LARGE1: variants seen among roughly 807,000 people sequenced by gnomAD.
The protein encoded by LARGE1 is xylosyl- and glucuronyltransferase LARGE1.
LARGE1 carries 43 observed loss-of-function variants against 87.6 expected under a neutral mutation model. The observed-to-expected ratio is 0.49, with a 90% CI of 0.38 to 0.63. The LOEUF (loss-of-function observed/expected upper bound fraction) is 0.63. Ranked by LOEUF, LARGE1 falls within the 30% of genes least tolerant of loss-of-function variation. The pLI is 0.00. For synonymous variants in LARGE1, 434 were observed against 394.6 expected (o/e 1.10, Z -1.18); for missense variants, 802 against 1,000.2 (o/e 0.80, Z 2.67).
At chr22:33,121,729 A>G in the LARGE1 span, among the ~76,000 whole-genome samples, 1 of 152,196 alleles carries the variant, frequency 6.6e-6, no homozygotes, top group South Asian at 2.1e-4. Flanking sequence ...TGTGAGATAT[A>G]AAGACATACC....
rs112255223 is a variant in LARGE1, at chr22:33,372,920, A to T, written c.1131+8999T>A. On this transcript the variant is annotated intron_variant, in intron 9 of 14. Coordinates refer to ENST00000397394, the MANE Select transcript of LARGE1 (RefSeq NM_133642.5). ...GTAGGAGAGTAATATGAAGAAAGTT[A>T]TGGATATAAGGATGTATTTTTGGTA... Among the ~76,000 whole-genome samples, 660 of 152,342 alleles carry T rather than the reference A, an allele frequency of 4.3e-3. 3 individuals are homozygous for T. Among genetic ancestry groups the T allele is most frequent in the African/African-American group, 0.015 (622 of 41,574 alleles).
rs573119286 is a variant in LARGE1, at chr22:33,568,091, C to T, written c.616-3072G>A. On this transcript the variant is annotated intron_variant, in intron 5 of 14. Transcript: ENST00000397394. ...TTGAGGAGGGGAAGAGTACTTGGGG[C>T]CATTACCACCCCAAGGCCAAAAGGG... 7.2e-5 allele frequency among the ~76,000 whole-genome samples: 11 copies of T among 152,262 alleles called. No homozygotes were observed. The South Asian group carries it at 2.3e-3, about 32-fold the overall frequency.
intron 7 of LARGE1, among the ~76,000 whole-genome samples, chr22:33,416,579 G>A (rs1207358321): frequency 6.6e-6 from 1 of 151,968 alleles, no homozygotes; most frequent in Non-Finnish European, 1.5e-5. Context: ...GGCAATGGTG[G>A]TGCAAGTAGA....
chr22:33,812,715 A>C (rs1465521580), intron 1 of LARGE1, among the ~76,000 whole-genome samples: 2 of 152,228 alleles, frequency 1.3e-5, no homozygotes. Context: ...TCATTCCATA[A>C]GCACAGTCAA....
intron 1 of LARGE1, among the ~76,000 whole-genome samples, chr22:33,769,099 C>G (rs1267064475): frequency 6.6e-6 from 1 of 152,236 alleles, no homozygotes; most frequent in Non-Finnish European, 1.5e-5. Flanking sequence ...TTTGTTACAA[C>G]AGCTTTCTAA....
chr22:33,749,130 T>C (rs1233940637), intron 2 of LARGE1, among the ~76,000 whole-genome samples: 4 of 152,232 alleles, frequency 2.6e-5, no homozygotes, highest in Non-Finnish European at 5.9e-5. Flanking sequence ...CCTCTTTTTT[T>C]TGAGATGGAG....
At chr22:33,496,640 C>T (rs1049664327) in intron 6 of LARGE1, among the ~76,000 whole-genome samples, 4 of 152,190 alleles carry the variant, frequency 2.6e-5, no homozygotes, top group South Asian at 2.1e-4. Flanking sequence ...GAATGGACCA[C>T]GACAGGACTA....
intron 1 of LARGE1, among the ~76,000 whole-genome samples, chr22:33,885,194 G>A (rs1296457864): frequency 7.0e-6 from 1 of 142,436 alleles, no homozygotes; most frequent in African/African-American, 2.6e-5. Flanking sequence ...AAGGGTGTGT[G>A]TTCCACAGGC....
intron 1 of LARGE1, among the ~76,000 whole-genome samples, chr22:33,781,500 T>TA (rs997836309): frequency 8.6e-5 from 13 of 151,340 alleles, no homozygotes; most frequent in South Asian, 2.1e-4. Flanking sequence ...GACTCTGCCT[T>TA]AAAAAAAAAT....
intron 11 of LARGE1, among the ~76,000 whole-genome samples, chr22:33,200,513 C>T (rs953616639): frequency 7.2e-5 from 11 of 152,126 alleles, no homozygotes; most frequent in Non-Finnish European, 1.2e-4. Flanking sequence ...AGATCGAAAA[C>T]GTATGTCCAC....
intron 5 of LARGE1, among the ~76,000 whole-genome samples, chr22:33,586,559 G>A (rs529969302): frequency 1.1e-3 from 166 of 150,908 alleles, no homozygotes; most frequent in Non-Finnish European, 1.9e-3. Context: ...CTGGGTTCAC[G>A]CCATTCTCCT....
chr22:33,566,610 A>T (rs1446311282), intron 5 of LARGE1, among the ~76,000 whole-genome samples: 2 of 152,190 alleles, frequency 1.3e-5, no homozygotes, highest in Non-Finnish European at 2.9e-5. Flanking sequence ...GCGAAAGAAC[A>T]AAGCTTCCAC....
intron 5 of LARGE1, among the ~76,000 whole-genome samples, chr22:33,571,096 A>G (rs1341073787): frequency 6.6e-6 from 1 of 152,236 alleles, no homozygotes; most frequent in African/African-American, 2.4e-5. Flanking sequence ...GCAGATCATT[A>G]TCCTTGCAAT....
chr22:33,353,014 T>C (rs1356341107), intron 9 of LARGE1, among the ~76,000 whole-genome samples: 2 of 152,196 alleles, frequency 1.3e-5, no homozygotes, highest in African/African-American at 4.8e-5. Context: ...CTTAGCTACA[T>C]TACAAAGTAG....
At chr22:33,133,549 T>TGTGCC in the LARGE1 span, among the ~76,000 whole-genome samples, 1 of 152,250 alleles carries the variant, frequency 6.6e-6, no homozygotes, top group Non-Finnish European at 1.5e-5. Flanking sequence ...ATGGTGTATA[T>TGTGCC]GTGCCACATT....
intron 1 of LARGE1, among the ~76,000 whole-genome samples, chr22:33,901,897 G>A (rs1201311501): frequency 1.3e-5 from 2 of 152,174 alleles, no homozygotes; most frequent in South Asian, 2.1e-4. Context: ...GGGTTCTAAT[G>A]TGAAAAGACT....
At chr22:33,330,166 G>T (rs1323621678) in intron 10 of LARGE1, among the ~76,000 whole-genome samples, 1 of 152,110 alleles carries the variant, frequency 6.6e-6, no homozygotes, top group African/African-American at 2.4e-5. Context: ...GTGGCTCTCT[G>T]TCTTTGGGAG....
intron 10 of LARGE1, among the ~76,000 whole-genome samples, chr22:33,330,427 A>G (rs1220269787): frequency 6.6e-6 from 1 of 152,084 alleles, no homozygotes; most frequent in Non-Finnish European, 1.5e-5. Context: ...GGCTCAAACA[A>G]TCCTTGTGCC....
chr22:33,704,409 A>C (rs1366562499), intron 2 of LARGE1, among the ~76,000 whole-genome samples: 1 of 152,134 alleles, frequency 6.6e-6, no homozygotes, highest in African/African-American at 2.4e-5. Flanking sequence ...ACCCTGCCCC[A>C]ACTCCAGGAA....
Sources: gnomAD v4.1 joint callset for allele counts (sites outside exome capture counted in the v4.1 genomes callset) on GRCh38, gnomAD v4.1.1 for gene constraint, MANE v1.5 for transcripts, NCBI Gene and HGNC (gene_info 2026-07-23, HGNC 2026-07-21) for gene names.